Variants in ZMAT4 observed in about 807,000 individuals in gnomAD.
The protein encoded by ZMAT4 is zinc finger matrin-type protein 4.
ZMAT4 carries 17 observed loss-of-function variants against 28.7 expected under a neutral mutation model. The ratio of observed to expected loss-of-function variants is 0.59; its 90% CI spans 0.41 to 0.89. The LOEUF (loss-of-function observed/expected upper bound fraction) is 0.89, where lower values mean the gene tolerates loss of function less well. Ranked by LOEUF, ZMAT4 falls within the 40% of genes least tolerant of loss-of-function variation. The pLI is 0.00. For missense variants in ZMAT4, 240 were observed against 283.8 expected, an observed-to-expected ratio of 0.85 and a Z score of 1.11; for synonymous variants, 117 against 109.2, an observed-to-expected ratio of 1.07 and a Z score of -0.44.
chr8:40,574,377 A>T (rs1337021252), intron 6 of ZMAT4, among the ~76,000 whole-genome samples: 2 of 152,140 alleles, frequency 1.3e-5, no homozygotes, highest in Non-Finnish European at 2.9e-5. Context: ...CTAATAATAT[A>T]CTTTGACTAT....
chr8:40,639,359 G>A (rs1035547341), intron 5 of ZMAT4, among the ~76,000 whole-genome samples: 1 of 152,138 alleles, frequency 6.6e-6, no homozygotes, highest in East Asian at 1.9e-4. Flanking sequence ...GGCTGGGGCT[G>A]ATGTGCCCAG....
In ZMAT4 at chr8:40,861,948, A is replaced by G. The variant is rs1586183319; in HGVS notation, c.-5+35735T>C. Among the ~76,000 whole-genome samples the G allele has an allele frequency of 4.6e-5, 7 of 152,118 alleles. No individual in the cohort carries two copies. In the South Asian group the frequency reaches 8.3e-4, roughly 18 times the overall value. ...GGTGCTGGAGAGGATGTGGAGAAATAGGAACACTTTTATACTGTTGGTGGG... is the reference window on the plus strand; with the variant it reads ...GGTGCTGGAGAGGATGTGGAGAAATGGGAACACTTTTATACTGTTGGTGGG... On this transcript the variant is annotated intron_variant, in intron 1 of 6. Transcript: ENST00000297737.
At chr8:40,579,472 A>C (rs964370061) in intron 6 of ZMAT4, among the ~76,000 whole-genome samples, 4 of 152,160 alleles carry the variant, frequency 2.6e-5, no homozygotes, top group African/African-American at 9.7e-5. Flanking sequence ...AATCAAGGAA[A>C]ATCTTCTTTT....
chr8:40,713,479 A>C (rs1315236283), intron 3 of ZMAT4, among the ~76,000 whole-genome samples: 1 of 152,230 alleles, frequency 6.6e-6, no homozygotes, highest in Non-Finnish European at 1.5e-5. Context: ...TTAAAAGCAA[A>C]TGGCAAAAAA....
intron 5 of ZMAT4, among the ~76,000 whole-genome samples, chr8:40,622,468 C>A (rs1479560528): frequency 3.9e-5 from 6 of 152,204 alleles, no homozygotes; most frequent in Non-Finnish European, 5.9e-5. Context: ...CTGCCCTAAA[C>A]CATGTTACCA....
At chr8:40,720,718 G>A (rs1811048236) in intron 3 of ZMAT4, among the ~76,000 whole-genome samples, 1 of 151,792 alleles carries the variant, frequency 6.6e-6, no homozygotes, top group Non-Finnish European at 1.5e-5. Context: ...TAGAGACTGG[G>A]TTTCACCATG....
At chr8:40,881,195 T>C (rs1408717595) in intron 1 of ZMAT4, among the ~76,000 whole-genome samples, 3 of 151,776 alleles carry the variant, frequency 2.0e-5, no homozygotes, top group East Asian at 3.9e-4. Context: ...CTGAGTAACA[T>C]AGCGAGTCCC....
At chr8:40,599,395 G>A (rs80191241) in intron 5 of ZMAT4, among the ~76,000 whole-genome samples, 2 of 151,944 alleles carry the variant, frequency 1.3e-5, no homozygotes, top group Admixed American at 6.6e-5. Context: ...ATGTGTGTGT[G>A]TATATATATG....
chr8:40,849,705 A>T (rs1472220705), intron 1 of ZMAT4, among the ~76,000 whole-genome samples: 1 of 152,132 alleles, frequency 6.6e-6, no homozygotes, highest in Non-Finnish European at 1.5e-5. Flanking sequence ...GATCAACATG[A>T]TCTTTTATTA....
chr8:40,652,842 C>T (rs2118825198), intron 5 of ZMAT4, among the ~76,000 whole-genome samples: 1 of 105,178 alleles, frequency 9.5e-6, no homozygotes, highest in East Asian at 3.6e-4. Flanking sequence ...AACAAAAAAC[C>T]AAACACCACA....
intron 2 of ZMAT4, among the ~76,000 whole-genome samples, chr8:40,808,333 A>C (rs1815173880): frequency 6.6e-6 from 1 of 152,180 alleles, no homozygotes; most frequent in African/African-American, 2.4e-5. Context: ...AAAGAATGTT[A>C]CAGCACTTTG....
At chr8:40,742,682 G>A (rs1812057354) in intron 3 of ZMAT4, among the ~76,000 whole-genome samples, 1 of 151,754 alleles carries the variant, frequency 6.6e-6, no homozygotes, top group South Asian at 2.1e-4. Context: ...ATCTATTTCA[G>A]TGGGTGTTAT....
intron 3 of ZMAT4, among the ~76,000 whole-genome samples, chr8:40,710,065 G>A (rs1489294935): frequency 6.6e-6 from 1 of 150,720 alleles, no homozygotes; most frequent in East Asian, 1.9e-4. Context: ...GAAACAACTG[G>A]TGGTAGTCTG....
intron 2 of ZMAT4, among the ~76,000 whole-genome samples, chr8:40,781,770 AAAAAAAAAAAAAAAAAAAAAAG>A (rs2150572357): frequency 7.1e-6 from 1 of 141,210 alleles, no homozygotes; most frequent in South Asian, 2.2e-4. Context: ...TCAAAAAAAA[AAAAAAAAAAAAAAAAAAAAAAG>A]AAAAGAATCC....
intron 6 of ZMAT4, among the ~76,000 whole-genome samples, chr8:40,538,888 C>T (rs774221427): frequency 3.9e-5 from 6 of 152,004 alleles, no homozygotes; most frequent in East Asian, 1.9e-4. Context: ...TGGGTTCGAG[C>T]GATTCTCCTG....
intron 1 of ZMAT4, among the ~76,000 whole-genome samples, chr8:40,885,311 C>A (rs1818415522): frequency 6.6e-6 from 1 of 152,122 alleles, no homozygotes; most frequent in Admixed American, 6.5e-5. Flanking sequence ...CCACCTTCAA[C>A]CCATCAGCAA....
intron 5 of ZMAT4, among the ~76,000 whole-genome samples, chr8:40,652,145 A>G (rs1193650784): frequency 1.7e-5 from 2 of 115,472 alleles, no homozygotes; most frequent in African/African-American, 5.7e-5. Flanking sequence ...GTGAACAGGC[A>G]ACCTACAAAA....
intron 5 of ZMAT4, among the ~76,000 whole-genome samples, chr8:40,647,028 A>G (rs574996735): frequency 6.6e-6 from 1 of 152,260 alleles, no homozygotes; most frequent in Non-Finnish European, 1.5e-5. Flanking sequence ...GAACAAAATT[A>G]GAAATCAGTA....
At chr8:40,627,375 AACAGAC>A (rs1806414966) in intron 5 of ZMAT4, among the ~76,000 whole-genome samples, 1 of 152,062 alleles carries the variant, frequency 6.6e-6, no homozygotes, top group Non-Finnish European at 1.5e-5. Flanking sequence ...CACACACACA[AACAGAC>A]ACATACACAC....
Sources: allele counts gnomAD v4.1 joint callset (sites outside exome capture counted in the v4.1 genomes callset), GRCh38; gene constraint gnomAD v4.1.1; transcripts MANE v1.5; gene names NCBI Gene and HGNC (gene_info 2026-07-23, HGNC 2026-07-21).